Variants in POU6F2 observed in about 807,000 individuals in gnomAD.
POU6F2 encodes the protein POU domain, class 6, transcription factor 2.
A neutral mutation model predicts 71.3 loss-of-function variants in POU6F2; 31 were observed. The observed-to-expected ratio is 0.43, with a 90% CI of 0.33 to 0.59. The LOEUF (loss-of-function observed/expected upper bound fraction) is 0.59, where lower values mean the gene tolerates loss of function less well. POU6F2 is among the 20% of genes least tolerant of loss of function. The probability of loss-of-function intolerance (pLI) is 0.04; values close to 1 mark genes in which losing one functional copy is unlikely to be tolerated. For synonymous variants in POU6F2, 347 were observed against 355.7 expected, an observed-to-expected ratio of 0.98 and a Z score of 0.27; for missense variants, 783 against 856.8, an observed-to-expected ratio of 0.91 and a Z score of 1.07.
At position 39,339,707 on chromosome 7, in the gene POU6F2, C is replaced by T. The variant is rs1202954795; in HGVS notation, c.664C>T (p.Gln222Ter). Residue 222 changes from glutamine (Q) to a stop codon, truncating the protein, a stop_gained, in exon 5 of 10, where the codon CAG (glutamine) becomes TAG (stop). Transcript: ENST00000518318. LOFTEE classifies it high-confidence loss of function. Reference protein sequence around the residue: ...QLQLQQQQQQQQQQPPPSTNQ... With the variant: ...QLQLQQQQQQ ...CCAGCTCCAGCAGCAGCAGCAGCAG[C>T]AGCAGCAGCAGCCTCCCCCGTCAAC... 1 of 1,605,290 alleles carries T rather than the reference C, an allele frequency of 6.2e-7. No homozygotes were observed. The highest frequency in any genetic ancestry group is 1.1e-5 in the South Asian group (1 of 90,674).
At position 38,986,396 on chromosome 7, in the gene POU6F2, G is replaced by A. The variant is rs181885247; in HGVS notation, c.105+8338G>A. 2.5e-3 allele frequency among the ~76,000 whole-genome samples: 386 copies of A among 152,188 alleles called. 3 individuals are homozygous for A. The highest frequency in any genetic ancestry group is 8.8e-3 in the African/African-American group (367 of 41,520). ...CATAGTCGATTGGAAAACTGCAAAC[G>A]TATGAATATTGTGGTTATTTCCTTC... is the stretch of plus-strand genomic sequence containing the variant. On this transcript the variant is annotated intron_variant, in intron 1 of 9. Transcript: ENST00000518318.
chr7:39,362,662 A>G (rs1786414395), intron 5 of POU6F2, among the ~76,000 whole-genome samples: 3 of 152,204 alleles, frequency 2.0e-5, no homozygotes, highest in African/African-American at 7.2e-5. Context: ...AAACATGCAT[A>G]CAAATATTAA....
chr7:39,118,632 G>T (rs965845571), intron 2 of POU6F2, among the ~76,000 whole-genome samples: 3 of 152,134 alleles, frequency 2.0e-5, no homozygotes, highest in Non-Finnish European at 4.4e-5. Flanking sequence ...AAATTAATGA[G>T]AAAGTTAGAG....
chr7:39,442,467 T>A (rs1430864908), intron 7 of POU6F2, among the ~76,000 whole-genome samples: 1 of 152,186 alleles, frequency 6.6e-6, no homozygotes, highest in Non-Finnish European at 1.5e-5. Context: ...TCACTCAAAA[T>A]CTAAATCTGT....
At chr7:39,140,486 C>T (rs1792473793) in intron 2 of POU6F2, among the ~76,000 whole-genome samples, 1 of 152,192 alleles carries the variant, frequency 6.6e-6, no homozygotes, top group Non-Finnish European at 1.5e-5. Flanking sequence ...CCTCTAGGGA[C>T]TCTAGGGGAC....
At chr7:39,068,713 A>G (rs1254058966) in intron 1 of POU6F2, among the ~76,000 whole-genome samples, 2 of 152,174 alleles carry the variant, frequency 1.3e-5, no homozygotes, top group Non-Finnish European at 2.9e-5. Flanking sequence ...GAACTCATGA[A>G]AAGTTTTCTT....
intron 8 of POU6F2, among the ~76,000 whole-genome samples, chr7:39,454,484 C>G (rs1015383299): frequency 1.3e-5 from 2 of 151,088 alleles, no homozygotes; most frequent in African/African-American, 2.4e-5. Flanking sequence ...CTCATTAGAA[C>G]AAAAGATGTT....
At chr7:39,185,899 G>GTA (rs1205983583) in intron 2 of POU6F2, among the ~76,000 whole-genome samples, 1 of 145,072 alleles carries the variant, frequency 6.9e-6, no homozygotes, top group South Asian at 2.1e-4. Context: ...ATATGTATAT[G>GTA]TATATATATG....
At chr7:39,441,767 G>A (rs1010468996) in intron 7 of POU6F2, among the ~76,000 whole-genome samples, 1 of 152,170 alleles carries the variant, frequency 6.6e-6, no homozygotes, top group African/African-American at 2.4e-5. Flanking sequence ...CCTTAACTGA[G>A]TGAGTTAAGA....
chr7:39,120,418 C>T (rs1460506387), intron 2 of POU6F2, among the ~76,000 whole-genome samples: 5 of 152,180 alleles, frequency 3.3e-5, no homozygotes, highest in Non-Finnish European at 5.9e-5. Flanking sequence ...CATGAAAAGT[C>T]ATACCTTTAA....
chr7:38,989,045 T>C lies in POU6F2; in HGVS notation c.105+10987T>C, dbSNP rs552542019. ...GATGATCCTTTTGTAAAATGTAAAATGGTAGACCCGTTGGGGAGTGGAAGG... is the reference window on the plus strand; with the variant it reads ...GATGATCCTTTTGTAAAATGTAAAACGGTAGACCCGTTGGGGAGTGGAAGG... On this transcript the variant is annotated intron_variant, in intron 1 of 9. Transcript: ENST00000518318. 5.9e-5 allele frequency among the ~76,000 whole-genome samples: 9 copies of C among 152,134 alleles called. No individual in the cohort carries two copies. The East Asian group carries it at 1.7e-3, about 29-fold the overall frequency.
At chr7:39,221,796 AG>A (rs1275935422) in intron 4 of POU6F2, among the ~76,000 whole-genome samples, 1 of 152,230 alleles carries the variant, frequency 6.6e-6, no homozygotes, top group Non-Finnish European at 1.5e-5. Flanking sequence ...ATATAAAGCA[AG>A]AAGGACAAAA....
At chr7:38,983,298 A>G (rs1007614315) in intron 1 of POU6F2, among the ~76,000 whole-genome samples, 35 of 152,088 alleles carry the variant, frequency 2.3e-4, no homozygotes, top group African/African-American at 8.4e-4. Context: ...TAGCTGCTCT[A>G]TATATAATCT....
chr7:39,354,029 T>C (rs1401845850), intron 5 of POU6F2, among the ~76,000 whole-genome samples: 2 of 151,822 alleles, frequency 1.3e-5, no homozygotes, highest in African/African-American at 4.8e-5. Flanking sequence ...ACCCGCCCGC[T>C]CCAGGCGGCC....
At chr7:39,225,091 T>C (rs911013870) in intron 4 of POU6F2, among the ~76,000 whole-genome samples, 3 of 152,246 alleles carry the variant, frequency 2.0e-5, no homozygotes, top group African/African-American at 7.2e-5. Context: ...TCAAACCACT[T>C]TGAATTTCAT....
intron 2 of POU6F2, among the ~76,000 whole-genome samples, chr7:39,129,196 T>C (rs1792204396): frequency 1.3e-5 from 2 of 152,202 alleles, no homozygotes; most frequent in South Asian, 2.1e-4. Flanking sequence ...TCTGCTTTCT[T>C]AGGAGAATGG....
chr7:39,088,469 A>C lies in POU6F2; in HGVS notation c.277+2438A>C, dbSNP rs190905471. Among the ~76,000 whole-genome samples the C allele has an allele frequency of 1.7e-4, 26 of 152,314 alleles. 1 individual carries two copies. The South Asian group carries it at 3.3e-3, about 19-fold the overall frequency. On this transcript the variant is annotated intron_variant, in intron 2 of 9. Transcript: ENST00000518318. ...ATTTTCTTTGATATGCATATGTTCA[A>C]GTCTGTTTTTTGTTTTTAGATGTAG... is the stretch of plus-strand genomic sequence containing the variant.
intron 2 of POU6F2, among the ~76,000 whole-genome samples, chr7:39,093,607 C>T (rs544003870): frequency 3.9e-5 from 6 of 152,130 alleles, no homozygotes; most frequent in Admixed American, 3.9e-4. Context: ...TTGGGATTGA[C>T]TGATGTACCT....
At chr7:39,033,132 G>C (rs932015785) in intron 1 of POU6F2, among the ~76,000 whole-genome samples, 3 of 152,152 alleles carry the variant, frequency 2.0e-5, no homozygotes, top group Non-Finnish European at 4.4e-5. Context: ...CACACCCCAG[G>C]TGTTTTTAGG....
Sources: allele counts gnomAD v4.1 joint callset (sites outside exome capture counted in the v4.1 genomes callset), GRCh38; gene constraint gnomAD v4.1.1; transcripts MANE v1.5; gene names NCBI Gene and HGNC (gene_info 2026-07-23, HGNC 2026-07-21).